Variants in GNL1 observed in about 807,000 individuals in gnomAD.
GNL1 encodes G protein nucleolar 1.
A neutral mutation model predicts 75.2 loss-of-function variants in GNL1; 21 were observed. The ratio of observed to expected loss-of-function variants is 0.28; its 90% CI spans 0.20 to 0.40. The LOEUF (loss-of-function observed/expected upper bound fraction) is 0.40. Ranked by LOEUF, GNL1 falls within the 10% of genes least tolerant of loss-of-function variation. The pLI is 1.00. For missense variants in GNL1, 579 were observed against 775.0 expected (o/e 0.75, Z 3.00); for synonymous variants, 287 against 303.4 (o/e 0.95, Z 0.56).
In GNL1 at chr6:30,555,640, C is replaced by G; in HGVS notation, c.154G>C (p.Asp52His). The change falls in exon 2 of 12, where the codon GAC (aspartate) becomes CAC (histidine). Residue 52 changes from aspartate (D) to histidine (H), a missense_variant. Physicochemically the swap from Asp to His is moderately conservative, Grantham distance 81. Coordinates refer to ENST00000376621, the MANE Select transcript of GNL1 (RefSeq NM_005275.5). This position sits in a 1 kb window ranked among gnomAD's most constrained non-coding sequence, Gnocchi z 4.3. Reference protein sequence around the residue: ...ERREEQTDTSDGESVTHHIRR... With the variant: ...ERREEQTDTSHGESVTHHIRR... Reference sequence around the variant, plus strand: ...ATATGATGGGTCACAGACTCCCCGTCCGAGGTGTCGGTCTGTTCCTCTCGC... The same window carrying G: ...ATATGATGGGTCACAGACTCCCCGTGCGAGGTGTCGGTCTGTTCCTCTCGC... 6.2e-7 allele frequency: 1 copy of G among 1,614,040 alleles called. No homozygotes were observed. The highest frequency in any genetic ancestry group is 8.5e-7 in the Non-Finnish European group (1 of 1,179,958).
Position 30,556,308 on chromosome 6 carries a change from G to A in GNL1, c.-105C>T, listed in dbSNP as rs2127383479. ...GCAGGGGCCCGGGACCCTAGAGGAGGCGGGGCTAGCAGGTGACGTCAGCGG... is the reference window on the plus strand; with the variant it reads ...GCAGGGGCCCGGGACCCTAGAGGAGACGGGGCTAGCAGGTGACGTCAGCGG... On this transcript the variant is annotated 5_prime_UTR_variant, in exon 1 of 12. Transcript: ENST00000376621. The surrounding 1 kb of genome is among the most constrained non-coding windows in gnomAD (Gnocchi z 5.7). 1.5e-6 allele frequency: 2 copies of A among 1,343,858 alleles called. No homozygotes were observed. The highest frequency in any genetic ancestry group is 1.2e-5 in the South Asian group (1 of 84,454). 83.2% of individuals were successfully genotyped at this position (1,343,858 alleles called of 1,614,324 possible). A position where few individuals can be genotyped will look rare whatever the true frequency, so the allele number is the denominator to read the frequency against.
chr6:30,553,521 T>C lies in GNL1; in HGVS notation c.637A>G (p.Thr213Ala). ...NFPPALYEYVTGELGLALVLV... is the reference protein window; with the variant it reads ...NFPPALYEYVAGELGLALVLV... ...ACCAGGGCCAGTCCAAGTTCTCCAG[T>C]CACATACTCATAAAGTGCTGGCGGG... The change falls in exon 6 of 12, where the codon ACT becomes GCT. Residue 213 changes from threonine (T) to alanine (A), a missense_variant. By Grantham distance (58) the Thr-to-Ala change is moderately conservative (BLOSUM62 0). Transcript: ENST00000376621. 6.2e-7 allele frequency: 1 copy of C among 1,612,750 alleles called. No individual in the cohort carries two copies. Among genetic ancestry groups the C allele is most frequent in the Non-Finnish European group, 8.5e-7 (1 of 1,179,798 alleles).
chr6:30,556,286 G>A lies in GNL1; in HGVS notation c.-83C>T, dbSNP rs1582522333. The stretch of plus-strand genomic sequence containing the variant: ...GCCCCCCGGGGCAGCCCCCGCCGCA[G>A]GGGCCCGGGACCCTAGAGGAGGCGG... On this transcript the variant is annotated 5_prime_UTR_variant, in exon 1 of 12. Transcript: ENST00000376621. The surrounding 1 kb of genome is among the most constrained non-coding windows in gnomAD (Gnocchi z 5.7). 1.1e-5 allele frequency: 17 copies of A among 1,536,326 alleles called. No homozygotes were observed. The highest frequency in any genetic ancestry group is 1.4e-5 in the African/African-American group (1 of 73,432).
In GNL1 at chr6:30,555,475, A is replaced by G; in HGVS notation, c.239+80T>C. Reference sequence around the variant, plus strand: ...GCATCCCAGGCCCACCGTCTTCACCAGTAGCAGCCCGCTTTCCCCCAAAGC... The same window carrying G: ...GCATCCCAGGCCCACCGTCTTCACCGGTAGCAGCCCGCTTTCCCCCAAAGC... On this transcript the variant is annotated intron_variant, in intron 2 of 11. Transcript: ENST00000376621. This position sits in a 1 kb window ranked among gnomAD's most constrained non-coding sequence, Gnocchi z 4.3. The G allele has an allele frequency of 7.2e-7, 1 of 1,390,538 alleles. No individual in the cohort carries two copies. The highest frequency in any genetic ancestry group is 1.0e-6 in the Non-Finnish European group (1 of 1,004,464). The allele number at this position is 1,390,538 out of a possible 1,614,324, so 86.1% of individuals were successfully genotyped here. A position where few individuals can be genotyped will look rare whatever the true frequency, so the allele number is the denominator to read the frequency against.
In GNL1 at chr6:30,556,293, G is replaced by A. The variant is rs1440816212; in HGVS notation, c.-90C>T. On this transcript the variant is annotated 5_prime_UTR_variant, in exon 1 of 12. Coordinates refer to ENST00000376621, the MANE Select transcript of GNL1 (RefSeq NM_005275.5). The surrounding 1 kb of genome is among the most constrained non-coding windows in gnomAD (Gnocchi z 5.7). ...GGGGCAGCCCCCGCCGCAGGGGCCCGGGACCCTAGAGGAGGCGGGGCTAGC... is the reference window on the plus strand; with the variant it reads ...GGGGCAGCCCCCGCCGCAGGGGCCCAGGACCCTAGAGGAGGCGGGGCTAGC... 4 of 1,497,110 alleles carry A rather than the reference G, an allele frequency of 2.7e-6. No individual in the cohort carries two copies. The highest frequency in any genetic ancestry group is 2.8e-5 in the African/African-American group (2 of 72,600). The allele number at this position is 1,497,110 out of a possible 1,614,324, so 92.7% of individuals were successfully genotyped here. A position where few individuals can be genotyped will look rare whatever the true frequency, so the allele number is the denominator to read the frequency against.
chr6:30,553,572 A>T lies in GNL1; in HGVS notation c.601-15T>A, dbSNP rs1306207509. 2 of 1,583,572 alleles carry T rather than the reference A, an allele frequency of 1.3e-6. No individual in the cohort carries two copies. Among genetic ancestry groups the T allele is most frequent in the Non-Finnish European group, 1.7e-6 (2 of 1,153,200 alleles). On this transcript the variant is annotated splice_polypyrimidine_tract_variant and intron_variant, in intron 5 of 11. Coordinates refer to ENST00000376621, the MANE Select transcript of GNL1 (RefSeq NM_005275.5). ...AAATTCACAACCTAGGACAGAGTTG[A>T]TAAGAGGATGGAGCAGTGAAAGTCA...
chr6:30,549,977 C>T lies in GNL1; in HGVS notation c.1100-2447G>A, dbSNP rs190300994. 4.1e-4 allele frequency among the ~76,000 whole-genome samples: 62 copies of T among 152,176 alleles called. 1 individual carries two copies. The East Asian group carries it at 0.011, about 28-fold the overall frequency. ...TATCTGGGACTACAGGCACGCACCA[C>T]CACACACGGCTAATTTTCTGTATTT... On this transcript the variant is annotated intron_variant, in intron 8 of 11. Coordinates refer to ENST00000376621, the MANE Select transcript of GNL1 (RefSeq NM_005275.5).
Position 30,543,775 on chromosome 6 carries a change from G to T in GNL1, c.*2297C>A, listed in dbSNP as rs886843352. ...AGGGCCAGATAATTGAACTATCCTG[G>T]ACCACACACAGCTACCCTGTTCCAG... On this transcript the variant is annotated 3_prime_UTR_variant, in exon 12 of 12. Coordinates refer to ENST00000376621, the MANE Select transcript of GNL1 (RefSeq NM_005275.5). 2 of 152,070 alleles carry T rather than the reference G, an allele frequency of 1.3e-5. No homozygotes were observed. The highest frequency in any genetic ancestry group is 2.9e-5 in the Non-Finnish European group (2 of 68,008). 9.4% of individuals were successfully genotyped at this position (152,070 alleles called of 1,614,324 possible).
In GNL1 at chr6:30,555,661, C is replaced by T; in HGVS notation, c.133G>A (p.Glu45Lys). The change falls in exon 2 of 12, where the codon GAG becomes AAG. Residue 45 changes from glutamate to lysine, a missense_variant. Physicochemically the swap from Glu to Lys is moderately conservative, Grantham distance 56. Transcript: ENST00000376621. The surrounding 1 kb of genome is among the most constrained non-coding windows in gnomAD (Gnocchi z 4.3). ...CCGTCCGAGGTGTCGGTCTGTTCCT[C>T]TCGCCGCTCCCGGCTCCCGCTGCGG... ...NSRSGSRERREEQTDTSDGES... is the reference protein window; with the variant it reads ...NSRSGSRERRKEQTDTSDGES... The T allele has an allele frequency of 6.2e-7, 1 of 1,614,068 alleles. No homozygotes were observed. The highest frequency in any genetic ancestry group is 8.5e-7 in the Non-Finnish European group (1 of 1,180,010).
chr6:30,555,538 C>T lies in GNL1; in HGVS notation c.239+17G>A. On this transcript the variant is annotated intron_variant, in intron 2 of 11. Transcript: ENST00000376621. The surrounding 1 kb of genome is among the most constrained non-coding windows in gnomAD (Gnocchi z 4.3). ...GTAGGCGGGAAAGCCGGGACCAGCGCCCCCTCCCACCCTCACCGATTTGGG... is the reference window on the plus strand; with the variant it reads ...GTAGGCGGGAAAGCCGGGACCAGCGTCCCCTCCCACCCTCACCGATTTGGG... The T allele has an allele frequency of 1.3e-6, 2 of 1,599,710 alleles. No individual in the cohort carries two copies. The highest frequency in any genetic ancestry group is 2.2e-5 in the East Asian group (1 of 44,628).
chr6:30,553,212 C>T (rs1049611656), intron 6 of GNL1, 33 bp from the exon 7 acceptor site: 10 of 1,524,522 alleles, frequency 6.6e-6, no homozygotes, highest in Middle Eastern at 1.7e-4. Flanking sequence ...GATGGGCACA[C>T]GGGCTTAGGC....
intron 5 of GNL1, among the ~76,000 whole-genome samples, chr6:30,553,790 A>T (rs186728043): frequency 1.6e-4 from 25 of 152,364 alleles, no homozygotes; most frequent in African/African-American, 5.3e-4. Flanking sequence ...AATGAACCCA[A>T]AACAAGACAA....
Position 30,554,506 on chromosome 6 carries a change from T to G in GNL1, c.600+69A>C, listed in dbSNP as rs542496719. The G allele has an allele frequency of 1.8e-5, 16 of 869,388 alleles. 1 individual carries two copies. The South Asian group carries it at 2.1e-4, about 11-fold the overall frequency. The allele number at this position is 869,388 out of a possible 1,614,324, so 53.9% of individuals were successfully genotyped here. A position where few individuals can be genotyped will look rare whatever the true frequency, so the allele number is the denominator to read the frequency against. ...AGATACCTCTCTGTCTCCCAACTCTTGCCTCTGACCTTTGCCCCTGAAAAA... is the reference window on the plus strand; with the variant it reads ...AGATACCTCTCTGTCTCCCAACTCTGGCCTCTGACCTTTGCCCCTGAAAAA... On this transcript the variant is annotated intron_variant, in intron 5 of 11. Transcript: ENST00000376621.
chr6:30,556,067 A>G lies in GNL1; in HGVS notation c.73+64T>C, dbSNP rs2127382830. On this transcript the variant is annotated intron_variant, in intron 1 of 11. Coordinates refer to ENST00000376621, the MANE Select transcript of GNL1 (RefSeq NM_005275.5). This position sits in a 1 kb window ranked among gnomAD's most constrained non-coding sequence, Gnocchi z 5.7. ...CACGATCCCCAGAGGTGCAGCGGGC[A>G]CACCCCTCCTTCCAGATGTGCGGAA... 2.6e-6 allele frequency: 4 copies of G among 1,568,398 alleles called. No homozygotes were observed. The East Asian group carries it at 9.0e-5, about 35-fold the overall frequency.
In GNL1 at chr6:30,547,267, G is replaced by A. The variant is rs771478428; in HGVS notation, c.1286C>T (p.Ala429Val). The change falls in exon 10 of 12, where the codon GCA becomes GTA. Residue 429 changes from alanine to valine, a missense_variant. By Grantham distance (64) the Ala-to-Val change is moderately conservative. Transcript: ENST00000376621. The surrounding 1 kb of genome is among the most constrained non-coding windows in gnomAD (Gnocchi z 5.5). Reference protein sequence around the residue: ...SLLPRQLQVLAGIYPIAQIQE... With the variant: ...SLLPRQLQVLVGIYPIAQIQE... ...GATCTGGGCGATAGGGTAGATCCCT[G>A]CCAGAACCTGAGGGAAATGAGCACT... 12 of 1,590,500 alleles carry A rather than the reference G, an allele frequency of 7.5e-6. No homozygotes were observed. The highest frequency in any genetic ancestry group is 9.4e-6 in the Non-Finnish European group (11 of 1,168,112).
In GNL1 at chr6:30,555,388, C is replaced by T. The variant is rs968309729; in HGVS notation, c.239+167G>A. On this transcript the variant is annotated intron_variant, in intron 2 of 11. Transcript: ENST00000376621. This position sits in a 1 kb window ranked among gnomAD's most constrained non-coding sequence, Gnocchi z 4.3. ...CTTCTAAAAGCCCAACTCTCTCCAG[C>T]CCCTCTGGAAAGGAAGACTGTGGCC... is the stretch of plus-strand genomic sequence containing the variant. Among the ~76,000 whole-genome samples the T allele has an allele frequency of 1.3e-5, 2 of 152,250 alleles. No individual in the cohort carries two copies. The highest frequency in any genetic ancestry group is 4.8e-5 in the African/African-American group (2 of 41,466).
Position 30,556,239 on chromosome 6 carries a change from G to A in GNL1, c.-36C>T. On this transcript the variant is annotated 5_prime_UTR_variant, in exon 1 of 12. Coordinates refer to ENST00000376621, the MANE Select transcript of GNL1 (RefSeq NM_005275.5). This position sits in a 1 kb window ranked among gnomAD's most constrained non-coding sequence, Gnocchi z 5.7. ...AGTCACCTGGCCCGCCCTCCGCCGA[G>A]CTCCCGCCGCCTCAACTGACTGCCC... is the stretch of plus-strand genomic sequence containing the variant. The A allele has an allele frequency of 1.9e-6, 3 of 1,596,778 alleles. No homozygotes were observed. The highest frequency in any genetic ancestry group is 2.5e-6 in the Non-Finnish European group (3 of 1,178,528).
Position 30,547,711 on chromosome 6 carries a change from G to C in GNL1, c.1100-181C>G. 2 of 591,110 alleles carry C rather than the reference G, an allele frequency of 3.4e-6. No individual in the cohort carries two copies. The highest frequency in any genetic ancestry group is 5.9e-6 in the Non-Finnish European group (2 of 341,042). 36.6% of individuals were successfully genotyped at this position (591,110 alleles called of 1,614,324 possible). On this transcript the variant is annotated intron_variant, in intron 8 of 11. Coordinates refer to ENST00000376621, the MANE Select transcript of GNL1 (RefSeq NM_005275.5). This position sits in a 1 kb window ranked among gnomAD's most constrained non-coding sequence, Gnocchi z 5.5. ...TGGCCCTTCCACTTACCAGCTTTGT[G>C]ATGTCAGGGCAACTAACTTTCTGAG...
intron 6 of GNL1, 50 bp from the exon 7 acceptor site, chr6:30,553,229 T>A (rs372722311): frequency 6.8e-7 from 1 of 1,469,234 alleles, no homozygotes; most frequent in Admixed American, 1.7e-5. Flanking sequence ...AGGCCTCTCA[T>A]CTCTCCCACC....
Sources: allele counts gnomAD v4.1 joint callset (sites outside exome capture counted in the v4.1 genomes callset), GRCh38; gene constraint gnomAD v4.1.1; non-coding constraint Gnocchi (gnomAD v3.1); transcripts MANE v1.5; gene names NCBI Gene and HGNC (gene_info 2026-07-23, HGNC 2026-07-21).